ZNF493: variants seen among roughly 807,000 people sequenced by gnomAD.
ZNF493 encodes zinc finger protein 493.
A neutral mutation model predicts 12.2 loss-of-function variants in ZNF493; 11 were observed. The observed-to-expected ratio is 0.90, with a 90% CI of 0.57 to 1.50. The LOEUF (loss-of-function observed/expected upper bound fraction) is 1.50, where lower values mean the gene tolerates loss of function less well. ZNF493 is among the 40% of genes most tolerant of loss of function. ZNF493 has a pLI of 0.00. For missense variants in ZNF493, 950 were observed against 906.6 expected (o/e 1.05, Z -0.61); for synonymous variants, 286 against 302.6 (o/e 0.95, Z 0.57).
At chr19:21,417,482 C>T (rs959988507) in intron 3 of ZNF493, among the ~76,000 whole-genome samples, 2 of 152,172 alleles carry the variant, frequency 1.3e-5, no homozygotes, top group Non-Finnish European at 2.9e-5. Context: ...AACACTATAT[C>T]CTGAGCAGCC....
intron 3 of ZNF493, among the ~76,000 whole-genome samples, chr19:21,414,952 G>C (rs918468115): frequency 6.6e-6 from 1 of 152,174 alleles, no homozygotes; most frequent in African/African-American, 2.4e-5. Flanking sequence ...GGTTTGCCAA[G>C]TAAGACTATT....
Position 21,426,221 on chromosome 19 carries a change from T to G in ZNF493, c.*1237T>G, listed in dbSNP as rs1389534756. ...AGAATGTAACAAAGTATTTAAATGG[T>G]TGTCACACTTGATTATAGGTAATAT... On this transcript the variant is annotated 3_prime_UTR_variant, in exon 4 of 4. Transcript: ENST00000392288. 1 of 208,756 alleles carries G rather than the reference T, an allele frequency of 4.8e-6. No homozygotes were observed. Among genetic ancestry groups the G allele is most frequent in the Non-Finnish European group, 1.1e-5 (1 of 92,602 alleles). 12.9% of individuals were successfully genotyped at this position (208,756 alleles called of 1,614,324 possible).
chr19:21,405,089 T>C (rs746755576), intron 1 of ZNF493, 40 bp from the exon 2 acceptor site: 2 of 650,440 alleles, frequency 3.1e-6, no homozygotes, highest in South Asian at 2.7e-5. Flanking sequence ...CACGTGTAAA[T>C]GTGTGTGTGT....
Position 21,424,125 on chromosome 19 carries a change from A to G in ZNF493, c.1466A>G (p.Tyr489Cys), listed in dbSNP as rs776897124. Residue 489 changes from tyrosine to cysteine, a missense_variant, in exon 4 of 4, where the codon TAC becomes TGC. Tyr to Cys is a radical substitution (Grantham distance 194). Transcript: ENST00000392288. The stretch of plus-strand genomic sequence containing the variant: ...ATAATTCATACTGAAGAGAAACCCT[A>G]CAAATGTGAAGAATGTGGCAAAGCT... ...HRIIHTEEKP[Y>C]KCEECGKAFN... 9 of 1,613,596 alleles carry G rather than the reference A, an allele frequency of 5.6e-6. No homozygotes were observed. Among genetic ancestry groups the G allele is most frequent in the African/African-American group, 1.3e-5 (1 of 74,920 alleles).
intron 1 of ZNF493, among the ~76,000 whole-genome samples, chr19:21,399,935 C>G (rs2029885909): frequency 6.6e-6 from 1 of 152,084 alleles, no homozygotes; most frequent in South Asian, 2.1e-4. Flanking sequence ...TATCTCTGTT[C>G]AAATCCTGTT....
chr19:21,419,880 A>G (rs1238375437), intron 3 of ZNF493, among the ~76,000 whole-genome samples: 1 of 152,158 alleles, frequency 6.6e-6, no homozygotes, highest in Non-Finnish European at 1.5e-5. Context: ...AAGAGAGAGT[A>G]AAAATGTTCT....
At chr19:21,397,326 G>A (rs771660077) in intron 1 of ZNF493, 59 bp downstream of exon 1, 2 of 1,606,740 alleles carry the variant, frequency 1.2e-6, no homozygotes, top group South Asian at 2.2e-5. Flanking sequence ...GAACCGGTGG[G>A]AAGTGGCTGT....
intron 3 of ZNF493, among the ~76,000 whole-genome samples, chr19:21,417,492 C>T (rs1004749627): frequency 2.0e-5 from 3 of 152,064 alleles, no homozygotes; most frequent in Non-Finnish European, 2.9e-5. Context: ...CCTGAGCAGC[C>T]GAATCTGTAA....
intron 3 of ZNF493, among the ~76,000 whole-genome samples, chr19:21,421,418 T>G (rs1164357835): frequency 6.6e-6 from 1 of 152,092 alleles, no homozygotes; most frequent in African/African-American, 2.4e-5. Flanking sequence ...CAGGCTGGGG[T>G]GCAATGGCAT....
rs1033338456 is a variant in ZNF493, at chr19:21,424,872, A to G, written c.2213A>G (p.Asp738Gly). 8 of 1,613,402 alleles carry G rather than the reference A, an allele frequency of 5.0e-6. 1 individual carries two copies. Among genetic ancestry groups the G allele is most frequent in the Non-Finnish European group, 5.1e-6 (6 of 1,179,704 alleles). Residue 738 changes from aspartate to glycine, a missense_variant, in exon 4 of 4, where the codon GAC (aspartate) becomes GGC (glycine). Physicochemically the swap from Asp to Gly is moderately conservative, Grantham distance 94. Transcript: ENST00000392288. Reference protein sequence around the residue: ...LIKHKLIHTGDKPYKCEACGK... With the variant: ...LIKHKLIHTGGKPYKCEACGK... ...AAACATAAGCTAATTCATACTGGAG[A>G]CAAACCCTACAAATGTGAAGCATGT...
At chr19:21,411,656 G>A (rs567464159) in intron 3 of ZNF493, among the ~76,000 whole-genome samples, 2 of 151,694 alleles carry the variant, frequency 1.3e-5, no homozygotes, top group African/African-American at 4.8e-5. Context: ...GGAGGCAGAG[G>A]TTGCAGTGAG....
rs2937168 is a variant in ZNF493, at chr19:21,413,476, G to A, written c.253+7620G>A. ...TCCCACTTTCTTCAGGTTTTCTTCC[G>A]CCATCTGTGACAGCTTCTTGATCTG... On this transcript the variant is annotated intron_variant, in intron 3 of 3. Transcript: ENST00000392288. The A allele has an allele frequency of 1.7e-4, 70 of 404,262 alleles. 2 individuals carry two copies. The South Asian group carries it at 2.9e-3, about 17-fold the overall frequency. The allele number at this position is 404,262 out of a possible 1,614,324, so 25.0% of individuals were successfully genotyped here. A position where few individuals can be genotyped will look rare whatever the true frequency, so the allele number is the denominator to read the frequency against.
chr19:21,413,818 A>G, intron 3 of ZNF493: 1 of 204,120 alleles, frequency 4.9e-6, no homozygotes, highest in Non-Finnish European at 9.7e-6. Context: ...CATGCTGTTC[A>G]GCTGCTGATA....
chr19:21,423,605 A>T lies in ZNF493; in HGVS notation c.946A>T (p.Asn316Tyr), dbSNP rs576930751. Residue 316 changes from asparagine (N) to tyrosine (Y), a missense_variant, in exon 4 of 4, where the codon AAT (asparagine) becomes TAT (tyrosine). Physicochemically the swap from Asn to Tyr is moderately radical, Grantham distance 143. Transcript: ENST00000392288. ...STLTGHKIIHNGEKPYKCEEC... is the reference protein window; with the variant it reads ...STLTGHKIIHYGEKPYKCEEC... ...CCTTACTGGACATAAGATAATTCAT[A>T]ATGGAGAAAAACCCTATAAATGTGA... 2 of 1,609,494 alleles carry T rather than the reference A, an allele frequency of 1.2e-6. No homozygotes were observed. Among genetic ancestry groups the T allele is most frequent in the Non-Finnish European group, 1.7e-6 (2 of 1,179,388 alleles).
chr19:21,424,023 A>G lies in ZNF493; in HGVS notation c.1364A>G (p.His455Arg), dbSNP rs762854816. The change falls in exon 4 of 4, where the codon CAT becomes CGT. Residue 455 changes from histidine (H) to arginine (R), a missense_variant. By Grantham distance (29) the His-to-Arg change is conservative. Coordinates refer to ENST00000392288, the MANE Select transcript of ZNF493 (RefSeq NM_001076678.3). The stretch of plus-strand genomic sequence containing the variant: ...ATTCTTACTAAACATAAAATAATTC[A>G]TACAGAAGAGAAACCCTACAAATGT... Reference protein sequence around the residue: ...FSILTKHKIIHTEEKPYKCEE... With the variant: ...FSILTKHKIIRTEEKPYKCEE... The G allele has an allele frequency of 6.2e-7, 1 of 1,613,560 alleles. No homozygotes were observed. The highest frequency in any genetic ancestry group is 2.2e-5 in the East Asian group (1 of 44,816).
At chr19:21,400,166 C>G (rs1164754421) in intron 1 of ZNF493, among the ~76,000 whole-genome samples, 1 of 152,196 alleles carries the variant, frequency 6.6e-6, no homozygotes, top group East Asian at 1.9e-4. Flanking sequence ...AATCCCAGCA[C>G]TTTGGGAGTC....
intron 3 of ZNF493, among the ~76,000 whole-genome samples, chr19:21,421,675 T>G (rs982530944): frequency 7.2e-5 from 11 of 152,186 alleles, no homozygotes; most frequent in Non-Finnish European, 1.3e-4. Context: ...CATTGTAATC[T>G]TTTATAAAAA....
At position 21,425,175 on chromosome 19, in the gene ZNF493, G is replaced by T; in HGVS notation, c.*191G>T. On this transcript the variant is annotated 3_prime_UTR_variant, in exon 4 of 4. Coordinates refer to ENST00000392288, the MANE Select transcript of ZNF493 (RefSeq NM_001076678.3). ...TAAATATAAGATAATTCATATTGGA[G>T]AGAAATTCTACAGATGTGAAGAATG... 1 of 728,218 alleles carries T rather than the reference G, an allele frequency of 1.4e-6. No individual in the cohort carries two copies. Among genetic ancestry groups the T allele is most frequent in the South Asian group, 1.7e-5 (1 of 58,876 alleles). 45.1% of individuals were successfully genotyped at this position (728,218 alleles called of 1,614,324 possible).
chr19:21,398,986 G>T, intron 1 of ZNF493: 1 of 155,482 alleles, frequency 6.4e-6, no homozygotes. Context: ...TGGTGTAAGA[G>T]CTTGCAAAGT....
Sources: allele counts gnomAD v4.1 joint callset (sites outside exome capture counted in the v4.1 genomes callset), GRCh38; gene constraint gnomAD v4.1.1; transcripts MANE v1.5; gene names NCBI Gene and HGNC (gene_info 2026-07-23, HGNC 2026-07-21).